The following SULT2B1 variants were observed in gnomAD, a reference collection of about 807,000 sequenced individuals.
SULT2B1 encodes the protein sulfotransferase 2B1.
SULT2B1 carries 16 observed loss-of-function variants against 33.2 expected under a neutral mutation model. That is an observed-to-expected ratio of 0.48 (90% CI 0.33 to 0.73). SULT2B1 has a LOEUF of 0.73. SULT2B1 is among the 30% of genes least tolerant of loss of function. The pLI, the probability that SULT2B1 is intolerant of heterozygous loss-of-function variation, is 0.02. For synonymous variants in SULT2B1, 186 were observed against 200.5 expected, an observed-to-expected ratio of 0.93 and a Z score of 0.61; for missense variants, 500 against 506.0, an observed-to-expected ratio of 0.99 and a Z score of 0.11.
rs371715853 is a variant in SULT2B1, at chr19:48,599,414, G to C, written c.*8G>C. The stretch of plus-strand genomic sequence containing the variant: ...CACCCACGACCCTCATAATAAACAC[G>C]TCGATTCTGTCCAGGTTCCTTGATG... On this transcript the variant is annotated 3_prime_UTR_variant, in exon 7 of 7. Transcript: ENST00000201586. The surrounding 1 kb of genome is among the most constrained non-coding windows in gnomAD (Gnocchi z 4.1). 1.3e-6 allele frequency: 2 copies of C among 1,549,682 alleles called. No homozygotes were observed. Among genetic ancestry groups the C allele is most frequent in the Admixed American group, 2.0e-5 (1 of 50,884 alleles).
intron 5 of SULT2B1, 31 bp from the exon 6 acceptor site, chr19:48,596,708 C>T (rs1160519420): frequency 1.3e-6 from 2 of 1,562,282 alleles, no homozygotes; most frequent in East Asian, 4.6e-5. Context: ...CGAGTGCCCT[C>T]CCTCCGCTGA....
At chr19:48,580,121 G>A (rs374072871) in intron 2 of SULT2B1, among the ~76,000 whole-genome samples, 3 of 145,962 alleles carry the variant, frequency 2.1e-5, no homozygotes, top group Admixed American at 7.0e-5. Flanking sequence ...TTTCACAGAC[G>A]AGATCTCACT....
At chr19:48,567,431 G>A (rs545545516) in intron 1 of SULT2B1, among the ~76,000 whole-genome samples, 43 of 152,222 alleles carry the variant, frequency 2.8e-4, no homozygotes, top group African/African-American at 1.0e-3. Flanking sequence ...GCGTGGTGGT[G>A]CACGCCTGTA....
At chr19:48,569,356 A>G (rs143828960) in intron 1 of SULT2B1, among the ~76,000 whole-genome samples, 53,612 of 92,880 alleles carry the variant, frequency 0.58, 12,988 homozygotes, top group African/African-American at 0.69. Flanking sequence ...AAAAAAAAAA[A>G]AAAAAACATA....
At chr19:48,556,716 C>T (rs961574540) in intron 1 of SULT2B1, among the ~76,000 whole-genome samples, 4 of 151,412 alleles carry the variant, frequency 2.6e-5, no homozygotes, top group Non-Finnish European at 4.4e-5. Flanking sequence ...TTTGGGAGGC[C>T]GAGGCAGGTG....
At chr19:48,592,887 C>T (rs1158358683) in intron 5 of SULT2B1, 71 bp downstream of exon 5, 47 of 1,381,422 alleles carry the variant, frequency 3.4e-5, no homozygotes, top group Non-Finnish European at 4.4e-5. Context: ...CTCTCCCCTT[C>T]CCGAGGGTCT....
At chr19:48,596,480 A>G in intron 5 of SULT2B1, 1 of 242,066 alleles carries the variant, frequency 4.1e-6, no homozygotes, top group Non-Finnish European at 7.2e-6. Context: ...CCCTGCTGTG[A>G]CCTCTGCCCC....
At chr19:48,573,191 G>A (rs891471439) in intron 1 of SULT2B1, among the ~76,000 whole-genome samples, 1 of 151,248 alleles carries the variant, frequency 6.6e-6, no homozygotes, top group Non-Finnish European at 1.5e-5. Flanking sequence ...TGTCCAGGGG[G>A]CTTGCAGGCA....
At position 48,552,299 on chromosome 19, in the gene SULT2B1, A is replaced by G. The variant is rs776828696; in HGVS notation, c.47A>G (p.Tyr16Cys). The G allele has an allele frequency of 3.1e-6, 5 of 1,613,918 alleles. No individual in the cohort carries two copies. The highest frequency in any genetic ancestry group is 2.2e-5 in the East Asian group (1 of 44,854). ...EPQIPGLWDTYEDDISEISQK... is the reference protein window; with the variant it reads ...EPQIPGLWDTCEDDISEISQK... ...CAGATCCCGGGCTTGTGGGACACCT[A>G]TGAAGATGACATCTCGGAAATCAGG... is the stretch of plus-strand genomic sequence containing the variant. The change falls in exon 1 of 7, where the codon TAT becomes TGT. Residue 16 changes from tyrosine (Y) to cysteine (C), a missense_variant. By Grantham distance (194) the Tyr-to-Cys change is radical. Coordinates refer to ENST00000201586, the MANE Select transcript of SULT2B1 (RefSeq NM_177973.2). This position sits in a 1 kb window ranked among gnomAD's most constrained non-coding sequence, Gnocchi z 4.8.
At chr19:48,582,640 C>G (rs889259149) in intron 2 of SULT2B1, among the ~76,000 whole-genome samples, 3 of 151,420 alleles carry the variant, frequency 2.0e-5, no homozygotes, top group Non-Finnish European at 2.9e-5. Flanking sequence ...TTGAGGCCAG[C>G]AATAGGAGAC....
chr19:48,569,865 C>G (rs1204891733), intron 1 of SULT2B1, among the ~76,000 whole-genome samples: 1 of 151,940 alleles, frequency 6.6e-6, no homozygotes, highest in African/African-American at 2.4e-5. Flanking sequence ...GGGGTTTCGC[C>G]ATGTTGCCGA....
rs1371995997 is a variant in SULT2B1 at position 48,599,009 on chromosome 19, G to A, written c.827-126G>A. The A allele has an allele frequency of 7.6e-6, 11 of 1,452,198 alleles. No individual in the cohort carries two copies. Among genetic ancestry groups the A allele is most frequent in the East Asian group, 2.5e-5 (1 of 40,400 alleles). The allele number at this position is 1,452,198 out of a possible 1,614,324, so 90.0% of individuals were successfully genotyped here. ...GGGCAATGTGGAGGGTAGGGAGGAC[G>A]GTGTTTCTGGCAAAGGGAACACCTC... On this transcript the variant is annotated intron_variant, in intron 6 of 6. Coordinates refer to ENST00000201586, the MANE Select transcript of SULT2B1 (RefSeq NM_177973.2). The surrounding 1 kb of genome is among the most constrained non-coding windows in gnomAD (Gnocchi z 4.1).
chr19:48,577,028 A>ATTTT lies in SULT2B1; in HGVS notation c.214+967_214+970dup, dbSNP rs71179012. ...TGGGCAAAATGGCAAACCCCCCTCT[A>ATTTT]TTTTTTTTTTTTTTTTTTTTTTTTT... On this transcript the variant is annotated intron_variant, in intron 2 of 6. Transcript: ENST00000201586. Among the ~76,000 whole-genome samples the ATTTT allele has an allele frequency of 3.4e-3, 312 of 92,932 alleles. 11 individuals carry two copies. The highest frequency in any genetic ancestry group is 9.1e-3 in the African/African-American group (194 of 21,434). The allele number at this position is 92,932 out of a possible 152,430, so 61.0% of individuals were successfully genotyped here. A position where few individuals can be genotyped will look rare whatever the true frequency, so the allele number is the denominator to read the frequency against.
chr19:48,593,985 A>G (rs923947757), intron 5 of SULT2B1, among the ~76,000 whole-genome samples: 1 of 151,824 alleles, frequency 6.6e-6, no homozygotes, highest in Non-Finnish European at 1.5e-5. Context: ...TTGGCTGGGC[A>G]CGGTGGCTCA....
At chr19:48,575,861 G>A in intron 1 of SULT2B1, 80 bp from the exon 2 acceptor site, 1 of 1,545,056 alleles carries the variant, frequency 6.5e-7, no homozygotes. Context: ...TCCTTGCCAG[G>A]GTCCGAGTGT....
At chr19:48,597,669 G>GTTTTTTT (rs1568415604) in intron 6 of SULT2B1, among the ~76,000 whole-genome samples, 1 of 11,020 alleles carries the variant, frequency 9.1e-5, no homozygotes. Flanking sequence ...TTGAGACGGA[G>GTTTTTTT]TTTCACTCTT....
chr19:48,587,418 T>C lies in SULT2B1; in HGVS notation c.404T>C (p.Phe135Ser), dbSNP rs774401100. The C allele has an allele frequency of 4.0e-5, 65 of 1,614,070 alleles. No individual in the cohort carries two copies. The highest frequency in any genetic ancestry group is 5.3e-5 in the Non-Finnish European group (63 of 1,180,002). Residue 135 changes from phenylalanine to serine, a missense_variant, in exon 3 of 7, where the codon TTC becomes TCC. Physicochemically the swap from Phe to Ser is radical, Grantham distance 155. Transcript: ENST00000201586. ...HLPIQIFTKAFFSSKAKVIYM... is the reference protein window; with the variant it reads ...HLPIQIFTKASFSSKAKVIYM... ...CCCATCCAGATCTTCACCAAGGCCT[T>C]CTTCAGCTCCAAGGCCAAGGTTGGG... is the stretch of plus-strand genomic sequence containing the variant.
chr19:48,592,361 G>C (rs1416275209), intron 4 of SULT2B1, among the ~76,000 whole-genome samples: 1 of 152,180 alleles, frequency 6.6e-6, no homozygotes, highest in African/African-American at 2.4e-5. Context: ...GAGAGAGACA[G>C]GGAGAGACAA....
At chr19:48,577,352 C>CTT (rs1209521675) in intron 2 of SULT2B1, among the ~76,000 whole-genome samples, 919 of 30,600 alleles carry the variant, frequency 0.03, 304 homozygotes, top group Middle Eastern at 0.11. Flanking sequence ...ACTGAGCCGT[C>CTT]TTTTTTTTTT....
Sources: allele counts gnomAD v4.1 joint callset (sites outside exome capture counted in the v4.1 genomes callset), GRCh38; gene constraint gnomAD v4.1.1; non-coding constraint Gnocchi (gnomAD v3.1); transcripts MANE v1.5; gene names NCBI Gene and HGNC (gene_info 2026-07-23, HGNC 2026-07-21).